Variants in ATG7 observed in about 807,000 individuals in gnomAD.
ATG7 encodes autophagy related 7.
In ATG7, 70 loss-of-function variants were observed where a neutral mutation model predicts 82.4. The ratio of observed to expected loss-of-function variants is 0.85; its 90% CI spans 0.70 to 1.04. The LOEUF is 1.04. ATG7 is among the 50% of genes least tolerant of loss of function. ATG7 has a pLI of 0.00. For synonymous variants in ATG7, 287 were observed against 313.0 expected, an observed-to-expected ratio of 0.92 and a Z score of 0.88; for missense variants, 792 against 864.3, an observed-to-expected ratio of 0.92 and a Z score of 1.05.
chr3:11,378,408 C>T (rs113291800), intron 18 of ATG7, among the ~76,000 whole-genome samples: 94 of 150,940 alleles, frequency 6.2e-4, no homozygotes, highest in Non-Finnish European at 1.2e-3. Context: ...TCGGGCTGGG[C>T]GCGGTGGCTC....
At chr3:11,471,996 C>T (rs1443652612) in intron 20 of ATG7, among the ~76,000 whole-genome samples, 2 of 151,998 alleles carry the variant, frequency 1.3e-5, no homozygotes, top group African/African-American at 4.8e-5. Context: ...CTTGGCCTCC[C>T]AAAGTGCTGG....
chr3:11,358,340 C>T lies in ATG7; in HGVS notation c.1285-78C>T. On this transcript the variant is annotated intron_variant, in intron 14 of 20. Coordinates refer to ENST00000693202, the MANE Select transcript of ATG7 (RefSeq NM_001349232.2). ...GTATGTGAACACAAGTAAGTGCAGG[C>T]AGCTGTGGGAAGTGTGGGCTCTGAG... is the stretch of plus-strand genomic sequence containing the variant. 1.5e-5 allele frequency: 21 copies of T among 1,406,856 alleles called. No individual in the cohort carries two copies. In the South Asian group the frequency reaches 2.5e-4, roughly 17 times the overall value. The allele number at this position is 1,406,856 out of a possible 1,614,324, so 87.1% of individuals were successfully genotyped here.
At chr3:11,416,775 A>G (rs2081404621) in intron 19 of ATG7, among the ~76,000 whole-genome samples, 1 of 152,190 alleles carries the variant, frequency 6.6e-6, no homozygotes. Flanking sequence ...CTTGTTACCT[A>G]AGGTGTAAGA....
intron 18 of ATG7, among the ~76,000 whole-genome samples, chr3:11,379,515 T>C (rs556567522): frequency 3.9e-5 from 6 of 152,338 alleles, no homozygotes; most frequent in Admixed American, 3.9e-4. Context: ...CATTTCGGCC[T>C]TCCACAGTCC....
intron 19 of ATG7, among the ~76,000 whole-genome samples, chr3:11,399,879 G>A (rs896065689): frequency 1.3e-5 from 2 of 152,156 alleles, no homozygotes; most frequent in Admixed American, 1.3e-4. Flanking sequence ...GCGTGGAAGC[G>A]ACTTTGTAGG....
intron 20 of ATG7, among the ~76,000 whole-genome samples, chr3:11,535,751 G>A (rs2070226218): frequency 6.6e-6 from 1 of 152,186 alleles, no homozygotes; most frequent in Admixed American, 6.5e-5. Context: ...CTCAGTCTTA[G>A]GAGAGCTGTT....
At chr3:11,524,141 A>T (rs897807307) in intron 20 of ATG7, among the ~76,000 whole-genome samples, 1 of 152,234 alleles carries the variant, frequency 6.6e-6, no homozygotes, top group Non-Finnish European at 1.5e-5. Flanking sequence ...AGGAACCCCA[A>T]ATCTCTCCAC....
intron 20 of ATG7, among the ~76,000 whole-genome samples, chr3:11,468,628 G>T (rs1395396995): frequency 6.6e-6 from 1 of 152,138 alleles, no homozygotes; most frequent in Non-Finnish European, 1.5e-5. Context: ...AGAAAACACA[G>T]CCCTAGAAAG....
chr3:11,462,253 G>A (rs1481375100), intron 20 of ATG7, among the ~76,000 whole-genome samples: 1 of 151,988 alleles, frequency 6.6e-6, no homozygotes, highest in Non-Finnish European at 1.5e-5. Flanking sequence ...CGTCACCATT[G>A]CTAAGGGCTG....
At chr3:11,498,941 A>C (rs2091092053) in intron 20 of ATG7, among the ~76,000 whole-genome samples, 1 of 152,158 alleles carries the variant, frequency 6.6e-6, no homozygotes, top group South Asian at 2.1e-4. Context: ...TTCAGCTATG[A>C]GCTCTTGCAG....
At chr3:11,430,963 C>T (rs897390604) in intron 20 of ATG7, among the ~76,000 whole-genome samples, 2 of 152,190 alleles carry the variant, frequency 1.3e-5, no homozygotes, top group Non-Finnish European at 2.9e-5. Context: ...GCGTTCTAGA[C>T]TGAATAAAGG....
chr3:11,273,054 GA>G (rs1468527565), intron 1 of ATG7, among the ~76,000 whole-genome samples: 1 of 152,244 alleles, frequency 6.6e-6, no homozygotes, highest in African/African-American at 2.4e-5. Context: ...TGATGTTGGA[GA>G]AGTACAAGCC....
intron 20 of ATG7, among the ~76,000 whole-genome samples, chr3:11,433,657 C>T (rs768345381): frequency 3.3e-5 from 5 of 152,160 alleles, no homozygotes; most frequent in Non-Finnish European, 7.3e-5. Flanking sequence ...AAAGTTTGCA[C>T]GTTCCATGAT....
intron 3 of ATG7, among the ~76,000 whole-genome samples, chr3:11,297,708 T>C (rs1175580989): frequency 6.6e-6 from 1 of 152,090 alleles, no homozygotes; most frequent in Non-Finnish European, 1.5e-5. Flanking sequence ...TTAGGCACTG[T>C]GGGAGGTGGG....
intron 20 of ATG7, among the ~76,000 whole-genome samples, chr3:11,487,385 G>A (rs2089811618): frequency 2.1e-5 from 1 of 48,410 alleles, no homozygotes; most frequent in Admixed American, 1.5e-4. Flanking sequence ...CGGGCAGAGG[G>A]GCTCCTCACT....
chr3:11,475,956 T>C (rs1383211389), intron 20 of ATG7, among the ~76,000 whole-genome samples: 1 of 151,056 alleles, frequency 6.6e-6, no homozygotes, highest in Non-Finnish European at 1.5e-5. Context: ...AGTGCAGTTG[T>C]CCTGTCTGAA....
intron 9 of ATG7, 41 bp from the exon 10 acceptor site, chr3:11,331,299 C>CATGAT (rs1559408755): frequency 6.9e-7 from 1 of 1,458,090 alleles, no homozygotes; most frequent in Non-Finnish European, 9.6e-7. Flanking sequence ...GTGAAGCTGA[C>CATGAT]ATGATACTCG....
intron 20 of ATG7, among the ~76,000 whole-genome samples, chr3:11,511,655 C>T (rs1367960404): frequency 3.9e-5 from 6 of 152,280 alleles, no homozygotes; most frequent in South Asian, 2.1e-4. Flanking sequence ...GGGTGGTGCT[C>T]GTCGGGGAGG....
intron 19 of ATG7, among the ~76,000 whole-genome samples, chr3:11,382,260 G>A (rs2077960020): frequency 6.6e-6 from 1 of 152,198 alleles, no homozygotes; most frequent in African/African-American, 2.4e-5. Context: ...AACAAACAAA[G>A]CAATACATTA....
Sources: gnomAD v4.1 joint callset for allele counts (sites outside exome capture counted in the v4.1 genomes callset) on GRCh38, gnomAD v4.1.1 for gene constraint, MANE v1.5 for transcripts, NCBI Gene and HGNC (gene_info 2026-07-23, HGNC 2026-07-21) for gene names.